EGLN3: variants seen among roughly 807,000 people sequenced by gnomAD.
EGLN3 encodes prolyl hydroxylase EGLN3.
A neutral mutation model predicts 26.0 loss-of-function variants in EGLN3; 15 were observed. The ratio of observed to expected loss-of-function variants is 0.58; its 90% CI spans 0.39 to 0.89. The LOEUF is 0.89. EGLN3 is among the 40% of genes least tolerant of loss of function. The pLI is 0.00. For synonymous variants in EGLN3, 147 were observed against 127.2 expected (o/e 1.16, Z -1.05); for missense variants, 238 against 311.6 (o/e 0.76, Z 1.78).
At chr14:33,931,295 A>T in intron 1 of EGLN3, 80 bp from the exon 2 acceptor site, 1 of 1,592,744 alleles carries the variant, frequency 6.3e-7, no homozygotes, top group Middle Eastern at 1.7e-4. Flanking sequence ...CAGATAAGTA[A>T]CACAGTCTCC....
chr14:33,933,394 A>G (rs1594377637), intron 1 of EGLN3, among the ~76,000 whole-genome samples: 2 of 152,246 alleles, frequency 1.3e-5, no homozygotes, highest in South Asian at 4.2e-4. Flanking sequence ...ACACAGAGAC[A>G]AAGCCAATTC....
chr14:33,942,447 C>G (rs543623438), intron 1 of EGLN3, among the ~76,000 whole-genome samples: 1 of 152,166 alleles, frequency 6.6e-6, no homozygotes, highest in Admixed American at 6.5e-5. Flanking sequence ...GTTGGCCTGG[C>G]CTGGTGGCTC....
intron 2 of EGLN3, among the ~76,000 whole-genome samples, chr14:33,929,962 A>G (rs1594375637): frequency 6.6e-6 from 1 of 152,280 alleles, no homozygotes; most frequent in East Asian, 1.9e-4. Flanking sequence ...ATTAGTTGGA[A>G]GTTACATGCT....
intron 1 of EGLN3, among the ~76,000 whole-genome samples, chr14:33,936,394 G>A (rs900238796): frequency 4.6e-5 from 7 of 152,152 alleles, no homozygotes; most frequent in Admixed American, 4.6e-4. Flanking sequence ...CAACAGCCTA[G>A]GTGACAAACT....
intron 1 of EGLN3, among the ~76,000 whole-genome samples, chr14:33,940,220 C>T (rs777919878): frequency 3.9e-5 from 6 of 152,172 alleles, no homozygotes; most frequent in Non-Finnish European, 7.4e-5. Flanking sequence ...GCAGGGTCCA[C>T]ATAGGCCTCA....
chr14:33,942,295 TA>T (rs35056523), intron 1 of EGLN3, among the ~76,000 whole-genome samples: 620 of 139,662 alleles, frequency 4.4e-3, no homozygotes, highest in Admixed American at 4.9e-3. Context: ...AAAGTTTAGT[TA>T]AAAAAAAAAA....
chr14:33,944,093 G>A (rs1032493552), intron 1 of EGLN3, among the ~76,000 whole-genome samples: 20 of 152,132 alleles, frequency 1.3e-4, no homozygotes, highest in Non-Finnish European at 1.8e-4. Flanking sequence ...CCCAGCCAGC[G>A]TAGCCCCTTC....
rs369578175 is a variant in EGLN3 at position 33,929,003 on chromosome 14, C to T, written c.614+73G>A. ...CAATCCCCCACATGCACAGGACACA[C>T]GTTTAAAGAGTTCTCTGGAACTAGG... On this transcript the variant is annotated intron_variant, in intron 3 of 4. Transcript: ENST00000250457. 1.5e-4 allele frequency: 242 copies of T among 1,568,368 alleles called. 1 individual carries two copies. In the African/African-American group the frequency reaches 2.6e-3, roughly 17 times the overall value.
At chr14:33,950,249 G>C (rs946283233) in intron 1 of EGLN3, 147 bp downstream of exon 1, 13 of 757,332 alleles carry the variant, frequency 1.7e-5, no homozygotes, top group Non-Finnish European at 3.0e-5. Context: ...AGGGGTGGGG[G>C]GAAGCAGCGA....
At chr14:33,929,829 C>T (rs1236275371) in intron 2 of EGLN3, among the ~76,000 whole-genome samples, 1 of 152,142 alleles carries the variant, frequency 6.6e-6, no homozygotes, top group African/African-American at 2.4e-5. Flanking sequence ...AAAAAAAATG[C>T]CCAGTGATCT....
chr14:33,929,599 A>C (rs1262603564), intron 2 of EGLN3, among the ~76,000 whole-genome samples: 1 of 152,122 alleles, frequency 6.6e-6, no homozygotes, highest in African/African-American at 2.4e-5. Context: ...TGATCCGCCC[A>C]CTAGGGCCTC....
chr14:33,950,896 C>T lies in EGLN3; in HGVS notation c.-144G>A. 1 of 727,056 alleles carries T rather than the reference C, an allele frequency of 1.4e-6. No individual in the cohort carries two copies. 45.0% of individuals were successfully genotyped at this position (727,056 alleles called of 1,614,324 possible). A position where few individuals can be genotyped will look rare whatever the true frequency, so the allele number is the denominator to read the frequency against. On this transcript the variant is annotated 5_prime_UTR_variant, in exon 1 of 5. Coordinates refer to ENST00000250457, the MANE Select transcript of EGLN3 (RefSeq NM_022073.4). ...CACGGTACCCGAGCCGCTGCAGCGTCGGGGACAAGGGAAAGTTTCTCGCAA... is the reference window on the plus strand; with the variant it reads ...CACGGTACCCGAGCCGCTGCAGCGTTGGGGACAAGGGAAAGTTTCTCGCAA...
At chr14:33,934,996 T>C (rs1475445177) in intron 1 of EGLN3, among the ~76,000 whole-genome samples, 1 of 152,228 alleles carries the variant, frequency 6.6e-6, no homozygotes, top group Non-Finnish European at 1.5e-5. Context: ...AAATGCTAGA[T>C]CCCCTCCAGC....
intron 1 of EGLN3, among the ~76,000 whole-genome samples, chr14:33,936,175 A>G (rs2064441248): frequency 6.6e-6 from 1 of 152,128 alleles, no homozygotes; most frequent in Admixed American, 6.5e-5. Context: ...GGTTGCAGTG[A>G]GCCGAGATCG....
At chr14:33,930,007 C>G (rs944710950) in intron 2 of EGLN3, among the ~76,000 whole-genome samples, 7 of 152,170 alleles carry the variant, frequency 4.6e-5, no homozygotes, top group Non-Finnish European at 1.0e-4. Flanking sequence ...CTAATCTGCA[C>G]CTTTTATGAC....
chr14:33,940,359 A>C (rs1285717831), intron 1 of EGLN3, among the ~76,000 whole-genome samples: 5 of 152,260 alleles, frequency 3.3e-5, no homozygotes, highest in Non-Finnish European at 7.3e-5. Flanking sequence ...ATAGGCTATA[A>C]ATGTGAACTA....
intron 1 of EGLN3, among the ~76,000 whole-genome samples, chr14:33,939,099 G>T (rs748280601): frequency 5.5e-4 from 83 of 152,044 alleles, no homozygotes; most frequent in Non-Finnish European, 1.1e-3. Context: ...AGTACTTAAA[G>T]AATCCATAAC....
At chr14:33,940,950 C>T (rs1680694) in intron 1 of EGLN3, among the ~76,000 whole-genome samples, 95,880 of 151,972 alleles carry the variant, frequency 0.63, 30,675 homozygotes, top group African/African-American at 0.75. Flanking sequence ...GGTTGAATGT[C>T]GGTGCGAGTC....
chr14:33,925,455 C>G lies in EGLN3; in HGVS notation c.*436G>C, dbSNP rs1259591680. On this transcript the variant is annotated 3_prime_UTR_variant, in exon 5 of 5. Transcript: ENST00000250457. ...AATTGTTCAGATGACACAAATTTCT[C>G]TGTTTCCTGCTGTTAAGGCTTCCGT... The G allele has an allele frequency of 6.1e-6, 1 of 162,820 alleles. No individual in the cohort carries two copies. Among genetic ancestry groups the G allele is most frequent in the Non-Finnish European group, 1.3e-5 (1 of 74,102 alleles). The allele number at this position is 162,820 out of a possible 1,614,324, so 10.1% of individuals were successfully genotyped here. A position where few individuals can be genotyped will look rare whatever the true frequency, so the allele number is the denominator to read the frequency against.
Sources: gnomAD v4.1 joint callset for allele counts (sites outside exome capture counted in the v4.1 genomes callset) on GRCh38, gnomAD v4.1.1 for gene constraint, MANE v1.5 for transcripts, NCBI Gene and HGNC (gene_info 2026-07-23, HGNC 2026-07-21) for gene names.